SULF1: variants seen among roughly 807,000 people sequenced by gnomAD.
SULF1 encodes the protein extracellular sulfatase Sulf-1.
A neutral mutation model predicts 110.5 loss-of-function variants in SULF1; 46 were observed. The observed-to-expected ratio is 0.42, with a 90% CI of 0.33 to 0.53. The LOEUF is 0.53. Among genes scored for constraint, SULF1 ranks in the 20% least tolerant of loss-of-function variants. The probability of loss-of-function intolerance (pLI) is 0.12; values close to 1 mark genes in which losing one functional copy is unlikely to be tolerated. For missense variants in SULF1, 941 were observed against 1,094.2 expected (o/e 0.86, Z 1.98); for synonymous variants, 371 against 387.1 (o/e 0.96, Z 0.49).
At chr8:69,470,510 T>G (rs1809037775) in intron 1 of SULF1, among the ~76,000 whole-genome samples, 1 of 152,106 alleles carries the variant, frequency 6.6e-6, no homozygotes, top group Admixed American at 6.5e-5. Flanking sequence ...CTATAGCCAG[T>G]CTGTCATCAA....
intron 19 of SULF1, among the ~76,000 whole-genome samples, chr8:69,633,196 C>T (rs1024030738): frequency 6.6e-6 from 1 of 152,104 alleles, no homozygotes; most frequent in African/African-American, 2.4e-5. Context: ...CAGTGTCCCA[C>T]TTAACAATGC....
chr8:69,499,658 G>A (rs1441206), intron 2 of SULF1, among the ~76,000 whole-genome samples: 1,656 of 152,236 alleles, frequency 0.011, 39 homozygotes, highest in African/African-American at 0.037. Flanking sequence ...TGACTCTCAC[G>A]TGCATACACA....
chr8:69,596,401 T>C (rs1312392441), intron 8 of SULF1, among the ~76,000 whole-genome samples: 1 of 152,172 alleles, frequency 6.6e-6, no homozygotes, highest in Non-Finnish European at 1.5e-5. Context: ...ATAACCAGTA[T>C]TGTGTTATCT....
intron 13 of SULF1, among the ~76,000 whole-genome samples, chr8:69,614,365 A>C (rs1808911810): frequency 6.6e-6 from 1 of 152,332 alleles, no homozygotes; most frequent in Non-Finnish European, 1.5e-5. Flanking sequence ...ACTACTACGA[A>C]ATCCTATTTC....
intron 1 of SULF1, among the ~76,000 whole-genome samples, chr8:69,478,001 C>T (rs998858801): frequency 1.3e-5 from 2 of 152,066 alleles, no homozygotes; most frequent in African/African-American, 4.8e-5. Context: ...GGACCTCCAG[C>T]ACACACCAGC....
Position 69,589,025 on chromosome 8 carries a change from T to C in SULF1, c.618T>C (p.Ser206=), listed in dbSNP as rs1806673649. The C allele has an allele frequency of 6.2e-7, 1 of 1,614,082 alleles. No homozygotes were observed. Among genetic ancestry groups the C allele is most frequent in the Non-Finnish European group, 8.5e-7 (1 of 1,180,020 alleles). ...TNESINYFKM[S]KRMYPHRPVM... is the part of the protein sequence containing the mutation. ...AGAGCATTAATTACTTCAAAATGTC[T>C]AAGAGAATGTATCCCCATAGGCCCG... The change falls in exon 8 of 23, where the codon TCT becomes TCC. Residue 206 remains serine (S), a synonymous_variant. Coordinates refer to ENST00000402687, the MANE Select transcript of SULF1 (RefSeq NM_001128205.2).
intron 3 of SULF1, among the ~76,000 whole-genome samples, chr8:69,546,335 G>T (rs536818517): frequency 2.6e-5 from 4 of 152,156 alleles, no homozygotes; most frequent in African/African-American, 9.7e-5. Context: ...TATCATTATT[G>T]TATGGAAAAC....
chr8:69,600,803 G>A, intron 9 of SULF1, 50 bp downstream of exon 9: 1 of 1,574,538 alleles, frequency 6.4e-7, no homozygotes, highest in Non-Finnish European at 8.6e-7. Flanking sequence ...AGCTTCCTTT[G>A]TGTAGACTTA....
intron 13 of SULF1, among the ~76,000 whole-genome samples, 194 bp from the exon 14 acceptor site, chr8:69,620,841 C>A (rs958667557): frequency 4.6e-5 from 7 of 152,082 alleles, no homozygotes; most frequent in African/African-American, 1.7e-4. Context: ...CTGTATTTGC[C>A]TACAGTGAAA....
chr8:69,566,378 C>G (rs1815884647), intron 5 of SULF1, among the ~76,000 whole-genome samples: 1 of 152,062 alleles, frequency 6.6e-6, no homozygotes, highest in African/African-American at 2.4e-5. Context: ...CAGCCTTGTC[C>G]TATAGTTCAT....
chr8:69,493,434 C>CAG (rs921110634), intron 1 of SULF1, among the ~76,000 whole-genome samples: 2 of 148,630 alleles, frequency 1.3e-5, no homozygotes, highest in African/African-American at 5.1e-5. Flanking sequence ...ACCACACACA[C>CAG]ACACACACAA....
At position 69,622,478 on chromosome 8, in the gene SULF1, G is replaced by A. The variant is rs180884329; in HGVS notation, c.1594+1227G>A. On this transcript the variant is annotated intron_variant, in intron 14 of 22. Transcript: ENST00000402687. The stretch of plus-strand genomic sequence containing the variant: ...ACGCCTGTAATGCCAGCTACTTCTC[G>A]GAAAGCTGAGGCAGGAGAATTGCTT... Among the ~76,000 whole-genome samples the A allele has an allele frequency of 5.1e-4, 77 of 152,022 alleles. 1 individual carries two copies. In the East Asian group the frequency reaches 0.014, roughly 28 times the overall value.
intron 1 of SULF1, among the ~76,000 whole-genome samples, chr8:69,481,173 G>A (rs950057882): frequency 6.6e-6 from 1 of 152,072 alleles, no homozygotes. Context: ...AGGAAAAAGA[G>A]CATTTTCGTT....
At chr8:69,630,477 G>C (rs564155974) in intron 19 of SULF1, among the ~76,000 whole-genome samples, 1 of 152,200 alleles carries the variant, frequency 6.6e-6, no homozygotes. Flanking sequence ...TTCTTGGGGG[G>C]ATCTAGGGCT....
At position 69,641,579 on chromosome 8, in the gene SULF1, A is replaced by T. The variant is rs749873050; in HGVS notation, c.2585+738A>T. 1.1e-3 allele frequency among the ~76,000 whole-genome samples: 160 copies of T among 151,992 alleles called. 2 individuals are homozygous for T. The highest frequency in any genetic ancestry group is 1.7e-3 in the Non-Finnish European group (115 of 67,970). Reference sequence around the variant, plus strand: ...GGGCAACAAAGTGAGATAAAAAAAAATTTTTAACTAGCCAGGTGTGGTGAT... The same window carrying T: ...GGGCAACAAAGTGAGATAAAAAAAATTTTTTAACTAGCCAGGTGTGGTGAT... On this transcript the variant is annotated intron_variant, in intron 22 of 22. Transcript: ENST00000402687.
At chr8:69,653,468 A>G (rs1382665169) in intron 22 of SULF1, among the ~76,000 whole-genome samples, 1 of 152,260 alleles carries the variant, frequency 6.6e-6, no homozygotes, top group African/African-American at 2.4e-5. Context: ...AAAGAGGTAC[A>G]TAGGCTAAGG....
At chr8:69,491,924 G>T (rs567572257), upstream of SULF1, among the ~76,000 whole-genome samples, 1 of 152,158 alleles carries the variant, frequency 6.6e-6, no homozygotes, top group South Asian at 2.1e-4. Flanking sequence ...TGGGGGAGGC[G>T]GGATTTGAAC....
rs1866898 is a variant in SULF1 at position 69,613,970 on chromosome 8, A to C, written c.1378-7065A>C. The stretch of plus-strand genomic sequence containing the variant: ...CATAGAGTTAGCAGCAAAAAAAAAA[A>C]AATAATAAAATTAAGGTCTTTGAAT... On this transcript the variant is annotated intron_variant, in intron 13 of 22. Transcript: ENST00000402687. Among the ~76,000 whole-genome samples the C allele has an allele frequency of 7.0e-4, 107 of 151,840 alleles. No individual in the cohort carries two copies. The South Asian group carries it at 1.0e-2, about 14-fold the overall frequency.
chr8:69,586,713 G>A (rs564939211), intron 7 of SULF1, among the ~76,000 whole-genome samples: 1 of 152,218 alleles, frequency 6.6e-6, no homozygotes, highest in South Asian at 2.1e-4. Flanking sequence ...CCCTCATTAG[G>A]ATGAAAGGCA....
Sources: gnomAD v4.1 joint callset for allele counts (sites outside exome capture counted in the v4.1 genomes callset) on GRCh38, gnomAD v4.1.1 for gene constraint, MANE v1.5 for transcripts, NCBI Gene and HGNC (gene_info 2026-07-23, HGNC 2026-07-21) for gene names.